SERP1: variants seen among roughly 807,000 people sequenced by gnomAD.
The protein encoded by SERP1 is stress-associated endoplasmic reticulum protein 1.
A neutral mutation model predicts 8.8 loss-of-function variants in SERP1; 6 were observed. The observed-to-expected ratio is 0.68, with a 90% CI of 0.37 to 1.35. The LOEUF is 1.35. SERP1 is among the 40% of genes most tolerant of loss of function. The pLI is 0.02. For synonymous variants in SERP1, 36 were observed against 28.7 expected, an observed-to-expected ratio of 1.25 and a Z score of -0.81; for missense variants, 52 against 86.2, an observed-to-expected ratio of 0.60 and a Z score of 1.57.
intron 2 of SERP1, among the ~76,000 whole-genome samples, chr3:150,544,746 A>G (rs529212947): frequency 6.4e-4 from 98 of 152,364 alleles, no homozygotes; most frequent in African/African-American, 2.3e-3. Flanking sequence ...GAACTTGCAG[A>G]TAAGTAATCA....
Position 150,542,771 on chromosome 3 carries a change from T to C in SERP1, c.*1687A>G, listed in dbSNP as rs932381386. The C allele has an allele frequency of 6.6e-6, 1 of 152,416 alleles. No homozygotes were observed. The highest frequency in any genetic ancestry group is 1.5e-5 in the Non-Finnish European group (1 of 67,974). 9.4% of individuals were successfully genotyped at this position (152,416 alleles called of 1,614,324 possible). Reference sequence around the variant, plus strand: ...AATATCTATAGTAAACCAAGGAAAATTCTGATATGGAATGGTTTGACTAAA... The same window carrying C: ...AATATCTATAGTAAACCAAGGAAAACTCTGATATGGAATGGTTTGACTAAA... On this transcript the variant is annotated 3_prime_UTR_variant, in exon 3 of 3. Transcript: ENST00000239944.
Position 150,544,350 on chromosome 3 carries a change from C to G in SERP1, c.*108G>C. On this transcript the variant is annotated 3_prime_UTR_variant, in exon 3 of 3. Transcript: ENST00000239944. ...CATGAAGCATGATAGGAAAGTCATT[C>G]TGAGGCAGGATGCTTTACTGAATTG... The G allele has an allele frequency of 9.8e-7, 1 of 1,018,546 alleles. No individual in the cohort carries two copies. Among genetic ancestry groups the G allele is most frequent in the East Asian group, 2.4e-5 (1 of 41,900 alleles). 63.1% of individuals were successfully genotyped at this position (1,018,546 alleles called of 1,614,324 possible). A position where few individuals can be genotyped will look rare whatever the true frequency, so the allele number is the denominator to read the frequency against.
chr3:150,545,346 G>A (rs1240609053), intron 2 of SERP1: 1 of 390,492 alleles, frequency 2.6e-6, no homozygotes, highest in South Asian at 7.9e-5. Context: ...AACATCTATA[G>A]TACATATTTA....
At chr3:150,545,459 C>T (rs1722966633) in intron 2 of SERP1, 5 of 515,512 alleles carry the variant, frequency 9.7e-6, no homozygotes, top group Non-Finnish European at 1.7e-5. Context: ...TGGATCATTA[C>T]CAAGACCTGA....
Position 150,546,130 on chromosome 3 carries a change from G to C in SERP1, c.6C>G (p.Val2=). 1 of 1,613,272 alleles carries C rather than the reference G, an allele frequency of 6.2e-7. No individual in the cohort carries two copies. Among genetic ancestry groups the C allele is most frequent in the South Asian group, 1.1e-5 (1 of 91,076 alleles). Reference sequence around the variant, plus strand: ...TGGCCATACGGATCCTTTGCTTGGCGACCATCTTCGCGGCGCCACCACCTG... The same window carrying C: ...TGGCCATACGGATCCTTTGCTTGGCCACCATCTTCGCGGCGCCACCACCTG... M[V]AKQRIRMANE... Residue 2 remains valine, a synonymous_variant, in exon 1 of 3, where the codon GTC becomes GTG. Coordinates refer to ENST00000239944, the MANE Select transcript of SERP1 (RefSeq NM_014445.4).
intron 1 of SERP1, 123 bp from the exon 2 acceptor site, chr3:150,545,901 C>A: frequency 7.3e-7 from 1 of 1,361,172 alleles, no homozygotes; most frequent in Non-Finnish European, 1.0e-6. Flanking sequence ...TCCCGAGCCC[C>A]CACAGTCTGG....
At chr3:150,545,891 T>C (rs1442178783) in intron 1 of SERP1, 113 bp from the exon 2 acceptor site, 1 of 1,356,652 alleles carries the variant, frequency 7.4e-7, no homozygotes, top group Admixed American at 2.2e-5. Context: ...CCCCTTCCGT[T>C]CCCGAGCCCC....
rs1722930052 is a variant in SERP1, at chr3:150,544,084, C to T, written c.*374G>A. ...GACTTCAAATTGTAATTTAAGCTAACTGCAGTTATACATTTGGGTTAACAA... is the reference window on the plus strand; with the variant it reads ...GACTTCAAATTGTAATTTAAGCTAATTGCAGTTATACATTTGGGTTAACAA... On this transcript the variant is annotated 3_prime_UTR_variant, in exon 3 of 3. Transcript: ENST00000239944. The T allele has an allele frequency of 1.1e-5, 2 of 184,916 alleles. No individual in the cohort carries two copies. The highest frequency in any genetic ancestry group is 2.2e-5 in the Non-Finnish European group (2 of 89,288). The allele number at this position is 184,916 out of a possible 1,614,324, so 11.5% of individuals were successfully genotyped here.
Position 150,546,167 on chromosome 3 carries a change from C to A in SERP1, c.-32G>T, listed in dbSNP as rs758070651. Reference sequence around the variant, plus strand: ...GGCGCCACCACCTGCCCCGGCCACCCCTCGGACTCGCTCACTCGCCTGCCT... The same window carrying A: ...GGCGCCACCACCTGCCCCGGCCACCACTCGGACTCGCTCACTCGCCTGCCT... On this transcript the variant is annotated 5_prime_UTR_variant, in exon 1 of 3. Coordinates refer to ENST00000239944, the MANE Select transcript of SERP1 (RefSeq NM_014445.4). The A allele has an allele frequency of 6.2e-7, 1 of 1,609,170 alleles. No individual in the cohort carries two copies. Among genetic ancestry groups the A allele is most frequent in the African/African-American group, 1.3e-5 (1 of 74,908 alleles).
At chr3:150,545,565 A>C (rs147485215) in intron 2 of SERP1, 138 bp downstream of exon 2, 4 of 806,394 alleles carry the variant, frequency 5.0e-6, no homozygotes, top group Non-Finnish European at 8.2e-6. Context: ...TTTGGTTCAG[A>C]CGAAACAGAA....
Position 150,545,684 on chromosome 3 carries a change from G to C in SERP1, c.160+19C>G. 1 of 1,595,404 alleles carries C rather than the reference G, an allele frequency of 6.3e-7. No homozygotes were observed. On this transcript the variant is annotated intron_variant, in intron 2 of 2. Coordinates refer to ENST00000239944, the MANE Select transcript of SERP1 (RefSeq NM_014445.4). ...TTCAACCCAAGACTCTACCTGATGG[G>C]AGCCCCCAAGCCACTTACCAGAACC...
chr3:150,545,532 C>T (rs1232755061), intron 2 of SERP1, 171 bp downstream of exon 2: 1 of 640,266 alleles, frequency 1.6e-6, no homozygotes, highest in African/African-American at 1.8e-5. Context: ...GCACCACCCT[C>T]TGTGCATATG....
In SERP1 at chr3:150,544,177, C is replaced by T; in HGVS notation, c.*281G>A. ...CTGTTTTAATAACCACATAAAAAAA[C>T]TTACTCTTAATTGACTGAATAAGTA... On this transcript the variant is annotated 3_prime_UTR_variant, in exon 3 of 3. Transcript: ENST00000239944. 1 of 359,670 alleles carries T rather than the reference C, an allele frequency of 2.8e-6. No homozygotes were observed. Among genetic ancestry groups the T allele is most frequent in the Admixed American group, 4.6e-5 (1 of 21,952 alleles). The allele number at this position is 359,670 out of a possible 1,614,324, so 22.3% of individuals were successfully genotyped here.
Position 150,545,608 on chromosome 3 carries a change from C to CT in SERP1, c.160+94dup, listed in dbSNP as rs1722973780. 3.4e-6 allele frequency: 4 copies of CT among 1,184,524 alleles called. No individual in the cohort carries two copies. In the East Asian group the frequency reaches 1.0e-4, roughly 30 times the overall value. 73.4% of individuals were successfully genotyped at this position (1,184,524 alleles called of 1,614,324 possible). ...GAGTCCTCGGCAGGTGGGTTGAGAA[C>CT]TACGCAGGTAGGACTCACTACTGAC... On this transcript the variant is annotated intron_variant, in intron 2 of 2. Coordinates refer to ENST00000239944, the MANE Select transcript of SERP1 (RefSeq NM_014445.4).
Position 150,545,771 on chromosome 3 carries a change from G to A in SERP1, c.92C>T (p.Ala31Val), listed in dbSNP as rs758595701. Reference sequence around the variant, plus strand: ...TCCTACAGACGCCTTCTCTTCGGGGGCATTTCTCTGCAAAAGCGAAAATCC... The same window carrying A: ...TCCTACAGACGCCTTCTCTTCGGGGACATTTCTCTGCAAAAGCGAAAATCC... Reference protein sequence around the residue: ...RGNVAKTSRNAPEEKASVGPW... With the variant: ...RGNVAKTSRNVPEEKASVGPW... The change falls in exon 2 of 3, where the codon GCC (alanine) becomes GTC (valine). Residue 31 changes from alanine to valine, a missense_variant. Physicochemically the swap from Ala to Val is moderately conservative, Grantham distance 64 (BLOSUM62 0). Transcript: ENST00000239944. 17 of 1,604,716 alleles carry A rather than the reference G, an allele frequency of 1.1e-5. No individual in the cohort carries two copies. The highest frequency in any genetic ancestry group is 1.7e-6 in the Non-Finnish European group (2 of 1,174,946).
chr3:150,544,515 C>G lies in SERP1; in HGVS notation c.161-17G>C. ...GGAAAATTGCTGTAAAAAGAAAGAG[C>G]AAATATTAAAATAAGCTTTGAATAA... On this transcript the variant is annotated splice_polypyrimidine_tract_variant and intron_variant, in intron 2 of 2. Coordinates refer to ENST00000239944, the MANE Select transcript of SERP1 (RefSeq NM_014445.4). 1.9e-6 allele frequency: 3 copies of G among 1,600,642 alleles called. No homozygotes were observed. Among genetic ancestry groups the G allele is most frequent in the Non-Finnish European group, 2.6e-6 (3 of 1,168,868 alleles).
Position 150,542,292 on chromosome 3 carries a change from G to A in SERP1, c.*2166C>T, listed in dbSNP as rs1722891382. 6.6e-6 allele frequency: 1 copy of A among 152,206 alleles called. No homozygotes were observed. The highest frequency in any genetic ancestry group is 2.4e-5 in the African/African-American group (1 of 41,458). 9.4% of individuals were successfully genotyped at this position (152,206 alleles called of 1,614,324 possible). On this transcript the variant is annotated 3_prime_UTR_variant, in exon 3 of 3. Coordinates refer to ENST00000239944, the MANE Select transcript of SERP1 (RefSeq NM_014445.4). ...TGTGCTTCATCTTGAGCTTGAATTG[G>A]ATGACAAGGAGATTAGGAAATCCTA...
At position 150,546,479 on chromosome 3, in the gene SERP1, A is replaced by G. The variant is rs374657010; in HGVS notation, c.-344T>C. On this transcript the variant is annotated 5_prime_UTR_variant, in exon 1 of 3. Transcript: ENST00000239944. Reference sequence around the variant, plus strand: ...ACGCAACGCAACAACGGGAATGTGCAGCCCGCCGCCTCGATCTACTTTGGG... The same window carrying G: ...ACGCAACGCAACAACGGGAATGTGCGGCCCGCCGCCTCGATCTACTTTGGG... 4 of 572,442 alleles carry G rather than the reference A, an allele frequency of 7.0e-6. No homozygotes were observed. Among genetic ancestry groups the G allele is most frequent in the South Asian group, 4.3e-5 (2 of 46,380 alleles). The allele number at this position is 572,442 out of a possible 1,614,324, so 35.5% of individuals were successfully genotyped here.
rs1722932819 is a variant in SERP1 at position 150,544,237 on chromosome 3, T to C, written c.*221A>G. 3.8e-6 allele frequency: 2 copies of C among 530,432 alleles called. No individual in the cohort carries two copies. The highest frequency in any genetic ancestry group is 3.6e-5 in the Admixed American group (1 of 28,052). 32.9% of individuals were successfully genotyped at this position (530,432 alleles called of 1,614,324 possible). A position where few individuals can be genotyped will look rare whatever the true frequency, so the allele number is the denominator to read the frequency against. ...ACTGTATCTTAACAATCAAATTTTA[T>C]TGCTTTATTCATGTGGTGTTTTTTG... On this transcript the variant is annotated 3_prime_UTR_variant, in exon 3 of 3. Transcript: ENST00000239944.
Sources: allele counts gnomAD v4.1 joint callset (sites outside exome capture counted in the v4.1 genomes callset), GRCh38; gene constraint gnomAD v4.1.1; transcripts MANE v1.5; gene names NCBI Gene and HGNC (gene_info 2026-07-23, HGNC 2026-07-21).